Variants in NOX4 observed in about 807,000 individuals in gnomAD.
NOX4 encodes NADPH oxidase 4.
A neutral mutation model predicts 87.6 loss-of-function variants in NOX4; 69 were observed. That is an observed-to-expected ratio of 0.79 (90% CI 0.65 to 0.96). The LOEUF (loss-of-function observed/expected upper bound fraction) is 0.96, where lower values mean the gene tolerates loss of function less well. NOX4 is among the 40% of genes least tolerant of loss of function. The pLI is 0.00. For missense variants in NOX4, 680 were observed against 681.5 expected (o/e 1.00, Z 0.02); for synonymous variants, 275 against 238.2 (o/e 1.15, Z -1.42).
chr11:89,429,211 T>A (rs888993261), intron 7 of NOX4, among the ~76,000 whole-genome samples: 5 of 152,124 alleles, frequency 3.3e-5, no homozygotes, highest in South Asian at 2.1e-4. Context: ...TTTAAAGCAG[T>A]GTGTAGAGGA....
At chr11:89,490,695 C>T (rs560224989) in intron 1 of NOX4, 142 bp from the exon 2 acceptor site, 7 of 724,210 alleles carry the variant, frequency 9.7e-6, no homozygotes, top group South Asian at 7.3e-5. Flanking sequence ...TTTCAATTAA[C>T]CAGCAAGCTG....
chr11:89,381,915 C>T (rs562045495), intron 11 of NOX4, among the ~76,000 whole-genome samples: 1 of 152,300 alleles, frequency 6.6e-6, no homozygotes, highest in South Asian at 2.1e-4. Flanking sequence ...TCTCTCTTCT[C>T]TTAATTTCTG....
upstream of NOX4, among the ~76,000 whole-genome samples, chr11:89,500,892 A>C (rs1947009179): frequency 6.6e-6 from 1 of 152,100 alleles, no homozygotes; most frequent in Non-Finnish European, 1.5e-5. Context: ...GTTATTATAG[A>C]AATTGGTTCC....
At chr11:89,412,142 C>A (rs1291884622) in intron 8 of NOX4, among the ~76,000 whole-genome samples, 3 of 152,004 alleles carry the variant, frequency 2.0e-5, no homozygotes, top group African/African-American at 4.8e-5. Context: ...TATATACACC[C>A]AAAACTGCAG....
At chr11:89,438,798 T>C (rs1283132967) in intron 6 of NOX4, among the ~76,000 whole-genome samples, 1 of 23,590 alleles carries the variant, frequency 4.2e-5, no homozygotes, top group African/African-American at 8.1e-4. Context: ...TAGTGTATAA[T>C]ATATTATATA....
intron 11 of NOX4, among the ~76,000 whole-genome samples, chr11:89,383,461 T>C (rs1383958741): frequency 2.6e-5 from 4 of 152,214 alleles, no homozygotes; most frequent in African/African-American, 2.4e-5. Flanking sequence ...TGAAGACTAA[T>C]GCTGCCCGAT....
At chr11:89,404,742 C>T (rs7130713) in intron 8 of NOX4, among the ~76,000 whole-genome samples, 1,566 of 152,186 alleles carry the variant, frequency 0.01, 31 homozygotes, top group African/African-American at 0.036. Flanking sequence ...TGATATATCA[C>T]ATTAGTTCAC....
chr11:89,416,925 T>C (rs972261877), intron 8 of NOX4, among the ~76,000 whole-genome samples: 2 of 152,170 alleles, frequency 1.3e-5, no homozygotes, highest in African/African-American at 4.8e-5. Flanking sequence ...ATCTGAGAAG[T>C]GCAGCAGAGC....
At position 89,449,484 on chromosome 11, in the gene NOX4, C is replaced by T. The variant is rs55977241; in HGVS notation, c.305G>A (p.Arg102Lys). 490 of 1,612,314 alleles carry T rather than the reference C, an allele frequency of 3.0e-4. 1 individual carries two copies. Among genetic ancestry groups the T allele is most frequent in the South Asian group, 9.8e-4 (89 of 90,868 alleles). ...AACACCACAGGTAATATGGAATGTT[C>T]TGCTTTTATCCAACAATCTCCTGGT... The part of the protein sequence containing the change: ...RRTRRLLDKS[R>K]TFHITCGVTI... The change falls in exon 4 of 18, where the codon AGA becomes AAA. Residue 102 changes from arginine (R) to lysine (K), a missense_variant. Physicochemically the swap from Arg to Lys is conservative, Grantham distance 26. Transcript: ENST00000263317.
chr11:89,329,176 G>A (rs1025648148), intron 17 of NOX4, among the ~76,000 whole-genome samples: 2 of 151,716 alleles, frequency 1.3e-5, no homozygotes, highest in Non-Finnish European at 2.9e-5. Flanking sequence ...TAATCATGAT[G>A]AGATGATAAA....
chr11:89,509,879 C>T, the NOX4 span, among the ~76,000 whole-genome samples: 45 of 151,922 alleles, frequency 3.0e-4, no homozygotes, highest in African/African-American at 1.1e-3. Flanking sequence ...TGAAAAATGT[C>T]CACTCAAACT....
the NOX4 span, among the ~76,000 whole-genome samples, chr11:89,581,132 G>T: frequency 2.0e-5 from 3 of 152,300 alleles, no homozygotes; most frequent in South Asian, 6.2e-4. Context: ...GTGGAGGGGA[G>T]AATTCTTATG....
chr11:89,517,420 C>T, the NOX4 span, among the ~76,000 whole-genome samples: 8 of 151,978 alleles, frequency 5.3e-5, no homozygotes, highest in African/African-American at 1.9e-4. Context: ...CTATGTGCTT[C>T]AAAAGCACCC....
intron 2 of NOX4, 51 bp downstream of exon 2, chr11:89,490,407 C>G (rs1468954452): frequency 4.1e-6 from 5 of 1,222,942 alleles, no homozygotes; most frequent in Non-Finnish European, 6.1e-6. Context: ...GTAGCAATGT[C>G]TGCCAGTGTT....
the NOX4 span, among the ~76,000 whole-genome samples, chr11:89,525,771 A>G: frequency 6.6e-6 from 1 of 152,098 alleles, no homozygotes; most frequent in African/African-American, 2.4e-5. Context: ...TTTGTGTGCT[A>G]GATGAGCAAT....
intron 2 of NOX4, among the ~76,000 whole-genome samples, chr11:89,465,826 T>TGTTTG (rs1565326784): frequency 4.8e-5 from 7 of 145,312 alleles, no homozygotes; most frequent in African/African-American, 2.0e-4. Context: ...ATGATGGGGT[T>TGTTTG]TTTTTTTTCT....
At chr11:89,399,457 A>G (rs1405114857) in intron 11 of NOX4, among the ~76,000 whole-genome samples, 1 of 140,552 alleles carries the variant, frequency 7.1e-6, no homozygotes, top group African/African-American at 2.6e-5. Context: ...ATATATATAT[A>G]TATATATATA....
intron 17 of NOX4, among the ~76,000 whole-genome samples, chr11:89,329,355 T>TGAAAAAAAAAAAAAAAAAAA (rs1945360816): frequency 1.4e-4 from 4 of 28,766 alleles, no homozygotes; most frequent in East Asian, 6.7e-4. Flanking sequence ...AGAAAAAAAC[T>TGAAAAAAAAAAAAAAAAAAA]GAAAAAAAAA....
intron 11 of NOX4, among the ~76,000 whole-genome samples, chr11:89,375,803 T>C (rs891406996): frequency 5.3e-5 from 8 of 152,174 alleles, no homozygotes; most frequent in South Asian, 2.1e-4. Flanking sequence ...AATCCGATTG[T>C]CCACATGTCA....
Sources: allele counts gnomAD v4.1 joint callset (sites outside exome capture counted in the v4.1 genomes callset), GRCh38; gene constraint gnomAD v4.1.1; transcripts MANE v1.5; gene names NCBI Gene and HGNC (gene_info 2026-07-23, HGNC 2026-07-21).